PEX11G: variants seen among roughly 807,000 people sequenced by gnomAD.
PEX11G encodes peroxisomal biogenesis factor 11 gamma.
Under a neutral mutation model 22.5 loss-of-function variants are expected in PEX11G, and 20 were observed. The observed-to-expected ratio is 0.89, with a 90% CI of 0.62 to 1.29. The LOEUF (loss-of-function observed/expected upper bound fraction) is 1.29, where lower values mean the gene tolerates loss of function less well. PEX11G is among the 50% of genes most tolerant of loss of function. The pLI is 0.00. For missense variants in PEX11G, 347 were observed against 331.3 expected, an observed-to-expected ratio of 1.05 and a Z score of -0.37; for synonymous variants, 141 against 154.5, an observed-to-expected ratio of 0.91 and a Z score of 0.65.
intron 3 of PEX11G, among the ~76,000 whole-genome samples, chr19:7,481,795 TC>T (rs34872359): frequency 0.25 from 38,283 of 152,058 alleles, 5,341 homozygotes; most frequent in East Asian, 0.41. Flanking sequence ...GCCTTCAGAA[TC>T]CTAAGATAAG....
chr19:7,492,603 C>T (rs997790727), upstream of PEX11G, among the ~76,000 whole-genome samples: 3 of 152,094 alleles, frequency 2.0e-5, no homozygotes, highest in South Asian at 2.1e-4. Context: ...CCACTGTGCC[C>T]GGCTAATTTT....
chr19:7,486,425 C>A (rs558854934), intron 1 of PEX11G, among the ~76,000 whole-genome samples: 4 of 150,426 alleles, frequency 2.7e-5, no homozygotes, highest in Non-Finnish European at 4.4e-5. Flanking sequence ...CGTGCCTGAC[C>A]CAAGAGTTTG....
upstream of PEX11G, chr19:7,493,067 T>A (rs559504788): frequency 2.0e-4 from 30 of 152,352 alleles, no homozygotes; most frequent in African/African-American, 7.2e-4. Context: ...AAACAGAGAA[T>A]CTGTTTTGTA....
chr19:7,480,878 T>C (rs1977458389), intron 3 of PEX11G, among the ~76,000 whole-genome samples: 1 of 152,144 alleles, frequency 6.6e-6, no homozygotes, highest in Non-Finnish European at 1.5e-5. Flanking sequence ...GGATTCTGAC[T>C]CAGCGCATTT....
chr19:7,482,025 C>A lies in PEX11G; in HGVS notation c.428+8G>T. The A allele has an allele frequency of 6.3e-7, 1 of 1,584,478 alleles. No homozygotes were observed. The highest frequency in any genetic ancestry group is 1.8e-5 in the Admixed American group (1 of 55,934). The stretch of plus-strand genomic sequence containing the variant: ...CTTGGGTGCTCCCTTCTGGCCCATG[C>A]CACTTACCTGGCAACCCCCAGGAGC... On this transcript the variant is annotated splice_region_variant and intron_variant, in intron 3 of 4. Transcript: ENST00000221480.
intron 1 of PEX11G, among the ~76,000 whole-genome samples, chr19:7,494,955 T>G (rs2021951545): frequency 6.6e-6 from 1 of 152,080 alleles, no homozygotes; most frequent in South Asian, 2.1e-4. Flanking sequence ...GCTTTAGTCT[T>G]CTGACTTCTT....
At chr19:7,483,991 T>A (rs1440370121) in intron 2 of PEX11G, among the ~76,000 whole-genome samples, 1 of 152,070 alleles carries the variant, frequency 6.6e-6, no homozygotes, top group Non-Finnish European at 1.5e-5. Flanking sequence ...CAGAGGCCAA[T>A]TAAATAAATC....
intron 2 of PEX11G, among the ~76,000 whole-genome samples, chr19:7,485,055 G>C (rs1235950674): frequency 1.3e-5 from 2 of 152,142 alleles, no homozygotes; most frequent in African/African-American, 4.8e-5. Flanking sequence ...ACTCAGGGAG[G>C]CTAAGGCGGG....
At chr19:7,492,379 C>G (rs1432345451), upstream of PEX11G, among the ~76,000 whole-genome samples, 1 of 152,124 alleles carries the variant, frequency 6.6e-6, no homozygotes, top group African/African-American at 2.4e-5. Context: ...ACGTGCCACC[C>G]CATTGTGGTT....
intron 3 of PEX11G, among the ~76,000 whole-genome samples, chr19:7,479,149 A>G (rs1977376142): frequency 6.6e-6 from 1 of 152,170 alleles, no homozygotes; most frequent in South Asian, 2.1e-4. Context: ...CTGGGGGGCT[A>G]GGGAAAAACA....
intron 1 of PEX11G, among the ~76,000 whole-genome samples, chr19:7,487,412 G>A (rs987262006): frequency 1.3e-5 from 2 of 152,130 alleles, no homozygotes; most frequent in Non-Finnish European, 2.9e-5. Flanking sequence ...TTCTGAAATA[G>A]GTCATCTTCA....
At chr19:7,484,552 C>T (rs1442694421) in intron 2 of PEX11G, among the ~76,000 whole-genome samples, 5 of 151,982 alleles carry the variant, frequency 3.3e-5, no homozygotes, top group Non-Finnish European at 7.4e-5. Context: ...GCAGGTGGAT[C>T]ACTTGAGGTC....
intron 1 of PEX11G, among the ~76,000 whole-genome samples, chr19:7,494,091 G>A (rs74176239): frequency 6.6e-6 from 1 of 152,138 alleles, no homozygotes; most frequent in Non-Finnish European, 1.5e-5. Context: ...ATTTTTAGTA[G>A]AGATGGGGTT....
At chr19:7,490,793 G>C (rs73488459), upstream of PEX11G, among the ~76,000 whole-genome samples, 2,636 of 150,856 alleles carry the variant, frequency 0.017, 81 homozygotes, top group African/African-American at 0.061. Flanking sequence ...CCCCATGGTA[G>C]CTTGACCAAC....
At chr19:7,480,257 A>G (rs945647340) in intron 3 of PEX11G, among the ~76,000 whole-genome samples, 1 of 152,142 alleles carries the variant, frequency 6.6e-6, no homozygotes, top group Non-Finnish European at 1.5e-5. Flanking sequence ...CAAAAAAAAA[A>G]AAAAAGTTTA....
Position 7,476,986 on chromosome 19 carries a change from G to T in PEX11G, c.*216C>A. On this transcript the variant is annotated 3_prime_UTR_variant, in exon 5 of 5. Transcript: ENST00000221480. ...AGACGCCAGCTGGCAGGCAGGAGGT[G>T]CTGCTGAAGCCCTGCACGGCCCCTG... 1 of 415,914 alleles carries T rather than the reference G, an allele frequency of 2.4e-6. No individual in the cohort carries two copies. The allele number at this position is 415,914 out of a possible 1,614,324, so 25.8% of individuals were successfully genotyped here.
intron 1 of PEX11G, among the ~76,000 whole-genome samples, chr19:7,494,343 G>T (rs1033470956): frequency 1.3e-5 from 2 of 152,108 alleles, no homozygotes; most frequent in African/African-American, 4.8e-5. Flanking sequence ...AGTGAACCGA[G>T]ATCACGCCAC....
chr19:7,484,163 T>A lies in PEX11G; in HGVS notation c.249+1675A>T, dbSNP rs368740814. On this transcript the variant is annotated intron_variant, in intron 2 of 4. Coordinates refer to ENST00000221480, the MANE Select transcript of PEX11G (RefSeq NM_080662.4). ...TGAGCCCAGGAGTTCAAGGCCAGCC[T>A]GGGTAACATGGCAAAACCCTGTCTC... 5.3e-5 allele frequency among the ~76,000 whole-genome samples: 8 copies of A among 152,076 alleles called. No homozygotes were observed. The East Asian group carries it at 1.6e-3, about 30-fold the overall frequency.
intron 2 of PEX11G, among the ~76,000 whole-genome samples, chr19:7,484,897 T>C (rs1196798572): frequency 6.6e-6 from 1 of 152,246 alleles, no homozygotes; most frequent in Non-Finnish European, 1.5e-5. Context: ...GAACGTTTGC[T>C]ATTTTTAAAA....
Sources: allele counts gnomAD v4.1 joint callset (sites outside exome capture counted in the v4.1 genomes callset), GRCh38; gene constraint gnomAD v4.1.1; transcripts MANE v1.5; gene names NCBI Gene and HGNC (gene_info 2026-07-23, HGNC 2026-07-21).